Variants in CFAP299 observed in about 807,000 individuals in gnomAD.
CFAP299 encodes the protein cilia and flagella associated protein 299, also known as cilia- and flagella-associated protein 299.
In CFAP299, 21 loss-of-function variants were observed where a neutral mutation model predicts 27.0. The ratio of observed to expected loss-of-function variants is 0.78; its 90% confidence interval spans 0.55 to 1.12. The LOEUF is 1.12. CFAP299 is among the 50% of genes most tolerant of loss of function. CFAP299 has a pLI of 0.00. For synonymous variants in CFAP299, 104 were observed against 98.1 expected, an observed-to-expected ratio of 1.06 and a Z score of -0.36; for missense variants, 310 against 276.6, an observed-to-expected ratio of 1.12 and a Z score of -0.86.
chr4:80,591,743 A>G (rs1249596453), intron 3 of CFAP299, among the ~76,000 whole-genome samples: 1 of 152,226 alleles, frequency 6.6e-6, no homozygotes, highest in Non-Finnish European at 1.5e-5. Flanking sequence ...ATACCCATGT[A>G]TCTGTCCCTT....
chr4:80,510,498 G>A (rs549376515), intron 2 of CFAP299, among the ~76,000 whole-genome samples: 1 of 152,244 alleles, frequency 6.6e-6, no homozygotes, highest in South Asian at 2.1e-4. Flanking sequence ...GACTGAAATA[G>A]ACTATAGCTG....
chr4:80,406,749 C>T (rs1372875016), intron 2 of CFAP299, among the ~76,000 whole-genome samples: 2 of 152,228 alleles, frequency 1.3e-5, no homozygotes, highest in African/African-American at 4.8e-5. Context: ...CTAGTGAAAC[C>T]CTTCACAATA....
chr4:80,864,467 TACCTATGTGTATACATATATACAC>T (rs1732579833), intron 3 of CFAP299, among the ~76,000 whole-genome samples: 1 of 143,448 alleles, frequency 7.0e-6, no homozygotes, highest in African/African-American at 2.6e-5. Context: ...AGTATATATA[TACCTATGTGTATACATATATACAC>T]ATATATATAC....
intron 2 of CFAP299, among the ~76,000 whole-genome samples, chr4:80,375,152 A>G (rs541880832): frequency 4.6e-5 from 7 of 152,292 alleles, no homozygotes; most frequent in East Asian, 3.9e-4. Context: ...GGAAAATGGC[A>G]ATGCTGGAAG....
chr4:80,394,146 A>G (rs2110040308), intron 2 of CFAP299, among the ~76,000 whole-genome samples: 1 of 152,250 alleles, frequency 6.6e-6, no homozygotes, highest in Non-Finnish European at 1.5e-5. Context: ...GGCAAGTGGA[A>G]CTGTGAGTCA....
intron 3 of CFAP299, among the ~76,000 whole-genome samples, chr4:80,584,270 T>G (rs1253182817): frequency 6.6e-6 from 1 of 152,012 alleles, no homozygotes; most frequent in Non-Finnish European, 1.5e-5. Flanking sequence ...TTATAGAAAT[T>G]AAATATTTAA....
At chr4:80,458,410 G>A (rs1729272619) in intron 2 of CFAP299, among the ~76,000 whole-genome samples, 1 of 151,962 alleles carries the variant, frequency 6.6e-6, no homozygotes, top group Non-Finnish European at 1.5e-5. Context: ...TCCAAGGCAG[G>A]CAATATGAGT....
intron 4 of CFAP299, among the ~76,000 whole-genome samples, chr4:80,880,577 T>A: frequency 6.6e-6 from 1 of 151,652 alleles, no homozygotes; most frequent in Non-Finnish European, 1.5e-5. Flanking sequence ...TAAAAAAAAA[T>A]TAGCCAGATG....
intron 4 of CFAP299, among the ~76,000 whole-genome samples, chr4:80,882,031 G>C (rs1224702011): frequency 6.6e-6 from 1 of 151,988 alleles, no homozygotes; most frequent in Non-Finnish European, 1.5e-5. Flanking sequence ...TTTAAAGACA[G>C]GTTATTTTAA....
At position 80,723,917 on chromosome 4, in the gene CFAP299, AAC is replaced by A. The variant is rs536021833; in HGVS notation, c.333+140736_333+140737del. ...TTGTTATGAAAAATTTAATCAAATA[AAC>A]AGTTTCACCAAGAAAAATGGAGACA... is the stretch of plus-strand genomic sequence containing the variant. On this transcript the variant is annotated intron_variant, in intron 3 of 5. Transcript: ENST00000358105. 1.1e-4 allele frequency among the ~76,000 whole-genome samples: 16 copies of A among 152,190 alleles called. No individual in the cohort carries two copies. The South Asian group carries it at 2.7e-3, about 26-fold the overall frequency.
At chr4:80,908,040 T>C (rs1292863367) in intron 4 of CFAP299, among the ~76,000 whole-genome samples, 1 of 152,214 alleles carries the variant, frequency 6.6e-6, no homozygotes, top group East Asian at 1.9e-4. Flanking sequence ...TTTTTCATCA[T>C]TCTTTTCAAC....
intron 2 of CFAP299, among the ~76,000 whole-genome samples, chr4:80,395,200 T>G (rs1289558838): frequency 2.6e-5 from 4 of 152,080 alleles, no homozygotes; most frequent in Non-Finnish European, 4.4e-5. Context: ...TTCCTTAATT[T>G]CATTTTTTGG....
intron 3 of CFAP299, among the ~76,000 whole-genome samples, chr4:80,618,935 G>A (rs10025495): frequency 0.13 from 20,063 of 151,940 alleles, 1,683 homozygotes; most frequent in Middle Eastern, 0.25. Context: ...TATGAAAACC[G>A]TGCTAAAATT....
chr4:80,716,140 A>G (rs568067370), intron 3 of CFAP299, among the ~76,000 whole-genome samples: 10 of 152,170 alleles, frequency 6.6e-5, no homozygotes, highest in Admixed American at 5.2e-4. Flanking sequence ...GCTCAGTAAA[A>G]TAAGTACAGG....
At chr4:80,926,711 A>T (rs957989180) in intron 4 of CFAP299, among the ~76,000 whole-genome samples, 1 of 152,056 alleles carries the variant, frequency 6.6e-6, no homozygotes, top group Non-Finnish European at 1.5e-5. Context: ...GTTTCACTAT[A>T]AAAAATGTCA....
intron 2 of CFAP299, among the ~76,000 whole-genome samples, chr4:80,536,663 A>G (rs1201439338): frequency 6.6e-6 from 1 of 152,206 alleles, no homozygotes; most frequent in East Asian, 1.9e-4. Flanking sequence ...GAATACCCAC[A>G]GAAGAATGAA....
chr4:80,929,273 G>A (rs1173024945), intron 4 of CFAP299, among the ~76,000 whole-genome samples: 9 of 149,676 alleles, frequency 6.0e-5, no homozygotes, highest in Admixed American at 1.3e-4. Context: ...CTACTCATCC[G>A]GTCTCTGGCA....
chr4:80,718,327 C>T (rs150845595), intron 3 of CFAP299, among the ~76,000 whole-genome samples: 1 of 151,892 alleles, frequency 6.6e-6, no homozygotes, highest in African/African-American at 2.4e-5. Context: ...TCTTTGGTAT[C>T]GAATTATATT....
At chr4:80,851,162 A>C (rs2110148061) in intron 3 of CFAP299, among the ~76,000 whole-genome samples, 1 of 152,280 alleles carries the variant, frequency 6.6e-6, no homozygotes, top group East Asian at 1.9e-4. Flanking sequence ...CTGGTGTATA[A>C]GTGGTAGTTG....
Sources: gnomAD v4.1 joint callset for allele counts (sites outside exome capture counted in the v4.1 genomes callset) on GRCh38, gnomAD v4.1.1 for gene constraint, MANE v1.5 for transcripts, NCBI Gene and HGNC (gene_info 2026-07-23, HGNC 2026-07-21) for gene names.